The following DELE1 variants were observed in gnomAD, a reference collection of about 807,000 sequenced individuals.
DELE1 encodes DAP3 binding cell death enhancer 1.
In DELE1, 54 loss-of-function variants were observed where a neutral mutation model predicts 59.3. That is an observed-to-expected ratio of 0.91 (90% CI 0.73 to 1.14). The LOEUF is 1.14. Among genes scored for constraint, DELE1 ranks in the 50% most tolerant of loss-of-function variants. The pLI is 0.00. For missense variants in DELE1, 636 were observed against 643.9 expected (o/e 0.99, Z 0.13); for synonymous variants, 264 against 259.1 (o/e 1.02, Z -0.18).
At chr5:141,924,424 G>A (rs1751200735) in intron 1 of DELE1, among the ~76,000 whole-genome samples, 157 bp from the exon 2 acceptor site, 1 of 152,228 alleles carries the variant, frequency 6.6e-6, no homozygotes, top group African/African-American at 2.4e-5. Flanking sequence ...GCTCTACCCT[G>A]AGAAATCTTA....
At chr5:141,928,368 C>T in intron 4 of DELE1, 70 bp downstream of exon 4, 1 of 1,521,982 alleles carries the variant, frequency 6.6e-7, no homozygotes, top group Non-Finnish European at 8.9e-7. Flanking sequence ...CGTCTCTGGA[C>T]ACACCTCAGG....
chr5:141,941,514 A>G lies in DELE1; in HGVS notation c.*2755A>G. 3.0e-6 allele frequency: 3 copies of G among 985,434 alleles called. No homozygotes were observed. Among genetic ancestry groups the G allele is most frequent in the Non-Finnish European group, 3.6e-6 (3 of 829,950 alleles). The allele number at this position is 985,434 out of a possible 1,614,324, so 61.0% of individuals were successfully genotyped here. On this transcript the variant is annotated 3_prime_UTR_variant, in exon 12 of 12. Transcript: ENST00000432126. ...AGCTGGGTACTGCTGTGCTTTTGCC[A>G]TTAAAATTCTGTTATTAATGACTCA...
chr5:141,923,875 C>G lies in DELE1; in HGVS notation c.-67C>G. On this transcript the variant is annotated 5_prime_UTR_variant, in exon 1 of 12. Coordinates refer to ENST00000432126, the MANE Select transcript of DELE1 (RefSeq NM_014773.5). ...CACTCGGGGCATCGCGGCGGCCTTTCTAGCCGCTGTCCCAAGGGTTGGTCT... is the reference window on the plus strand; with the variant it reads ...CACTCGGGGCATCGCGGCGGCCTTTGTAGCCGCTGTCCCAAGGGTTGGTCT... 1.3e-6 allele frequency: 2 copies of G among 1,556,304 alleles called. No individual in the cohort carries two copies. Among genetic ancestry groups the G allele is most frequent in the Non-Finnish European group, 1.7e-6 (2 of 1,148,854 alleles).
intron 2 of DELE1, 61 bp from the exon 3 acceptor site, chr5:141,925,349 C>A: frequency 8.5e-7 from 1 of 1,181,300 alleles, no homozygotes; most frequent in South Asian, 1.5e-5. Context: ...GTGTGAGCCA[C>A]CGCACCCAGT....
At chr5:141,929,412 C>G (rs192445182) in intron 4 of DELE1, among the ~76,000 whole-genome samples, 170 bp from the exon 5 acceptor site, 64 of 152,266 alleles carry the variant, frequency 4.2e-4, no homozygotes, top group Middle Eastern at 6.8e-3. Context: ...CTGCACCCCG[C>G]TAATTTTTTG....
chr5:141,925,543 C>T lies in DELE1; in HGVS notation c.264+16C>T, dbSNP rs1751331849. On this transcript the variant is annotated intron_variant, in intron 3 of 11. Coordinates refer to ENST00000432126, the MANE Select transcript of DELE1 (RefSeq NM_014773.5). Reference sequence around the variant, plus strand: ...CATATCTTGGGTAAGGCTTCCCCAGCCTGGTCCTTGACCTTCAGTGTAGAT... The same window carrying T: ...CATATCTTGGGTAAGGCTTCCCCAGTCTGGTCCTTGACCTTCAGTGTAGAT... The T allele has an allele frequency of 1.3e-6, 2 of 1,524,626 alleles. No homozygotes were observed. Among genetic ancestry groups the T allele is most frequent in the African/African-American group, 2.8e-5 (2 of 71,866 alleles). 94.4% of individuals were successfully genotyped at this position (1,524,626 alleles called of 1,614,324 possible). A position where few individuals can be genotyped will look rare whatever the true frequency, so the allele number is the denominator to read the frequency against.
At position 141,940,508 on chromosome 5, in the gene DELE1, AG is replaced by A. The variant is rs1752675269; in HGVS notation, c.*1755del. ...GCCAATTCAAAGGCAAGAAGATTTG[AG>A]GGGGGAAAGTTGTCCACGTTTCCCT... On this transcript the variant is annotated 3_prime_UTR_variant, in exon 12 of 12. Transcript: ENST00000432126. 21 of 985,394 alleles carry A rather than the reference AG, an allele frequency of 2.1e-5. No homozygotes were observed. The highest frequency in any genetic ancestry group is 5.2e-4 in the Middle Eastern group (1 of 1,916). The allele number at this position is 985,394 out of a possible 1,614,324, so 61.0% of individuals were successfully genotyped here. A position where few individuals can be genotyped will look rare whatever the true frequency, so the allele number is the denominator to read the frequency against.
intron 10 of DELE1, 88 bp downstream of exon 10, chr5:141,934,674 A>G: frequency 7.7e-7 from 1 of 1,294,370 alleles, no homozygotes; most frequent in South Asian, 1.2e-5. Context: ...TTCTGTGCTT[A>G]GGAGATTGTT....
intron 6 of DELE1, 42 bp downstream of exon 6, chr5:141,930,116 C>G: frequency 6.2e-7 from 1 of 1,606,306 alleles, no homozygotes; most frequent in Non-Finnish European, 8.5e-7. Flanking sequence ...ATAACATTCT[C>G]TTGGGCAGGT....
Position 141,938,788 on chromosome 5 carries a change from T to G in DELE1, c.*29T>G, listed in dbSNP as rs1419409381. ...GAGATAAAACATAGTCCCTGGTGCC[T>G]CTTAGGGGCCAGAGCGGGCAGGAGG... On this transcript the variant is annotated 3_prime_UTR_variant, in exon 12 of 12. Coordinates refer to ENST00000432126, the MANE Select transcript of DELE1 (RefSeq NM_014773.5). 1 of 1,584,750 alleles carries G rather than the reference T, an allele frequency of 6.3e-7. No homozygotes were observed. The highest frequency in any genetic ancestry group is 8.6e-7 in the Non-Finnish European group (1 of 1,163,588).
intron 4 of DELE1, 99 bp downstream of exon 4, chr5:141,928,397 T>A: frequency 3.7e-6 from 5 of 1,357,784 alleles, no homozygotes; most frequent in Non-Finnish European, 5.0e-6. Flanking sequence ...CATCAGCAGC[T>A]CCTTGCCTTT....
At position 141,941,754 on chromosome 5, in the gene DELE1, A is replaced by G. The variant is rs893480992; in HGVS notation, c.*2995A>G. On this transcript the variant is annotated 3_prime_UTR_variant, in exon 12 of 12. Transcript: ENST00000432126. ...ACAAGGCTATTTGGTTTACTATATC[A>G]TTAGTGCTAATATAGTGTGGGGCAC... 1 of 985,248 alleles carries G rather than the reference A, an allele frequency of 1.0e-6. No homozygotes were observed. Among genetic ancestry groups the G allele is most frequent in the Non-Finnish European group, 1.2e-6 (1 of 829,902 alleles). The allele number at this position is 985,248 out of a possible 1,614,324, so 61.0% of individuals were successfully genotyped here.
In DELE1 at chr5:141,940,682, G is replaced by A. The variant is rs1752687197; in HGVS notation, c.*1923G>A. On this transcript the variant is annotated 3_prime_UTR_variant, in exon 12 of 12. Coordinates refer to ENST00000432126, the MANE Select transcript of DELE1 (RefSeq NM_014773.5). Reference sequence around the variant, plus strand: ...CCTTTTCAGGGCTGCCCTGCACACTGGCTCACCACTGTTGGACCCTGCACA... The same window carrying A: ...CCTTTTCAGGGCTGCCCTGCACACTAGCTCACCACTGTTGGACCCTGCACA... 8 of 982,018 alleles carry A rather than the reference G, an allele frequency of 8.1e-6. No individual in the cohort carries two copies. Among genetic ancestry groups the A allele is most frequent in the African/African-American group, 1.8e-5 (1 of 57,120 alleles). The allele number at this position is 982,018 out of a possible 1,614,324, so 60.8% of individuals were successfully genotyped here.
At chr5:141,932,714 C>G (rs1561516244) in intron 7 of DELE1, among the ~76,000 whole-genome samples, 2 of 152,178 alleles carry the variant, frequency 1.3e-5, no homozygotes, top group Admixed American at 1.3e-4. Flanking sequence ...AATCTAGATG[C>G]TACTACCAAG....
rs902201410 is a variant in DELE1, at chr5:141,938,936, G to T, written c.*177G>T. On this transcript the variant is annotated 3_prime_UTR_variant, in exon 12 of 12. Coordinates refer to ENST00000432126, the MANE Select transcript of DELE1 (RefSeq NM_014773.5). ...GACTGATCTTTCCCCCCGCTTGGTA[G>T]CCTCACAGATGAGTCTTGGATGCAT... is the stretch of plus-strand genomic sequence containing the variant. The T allele has an allele frequency of 7.0e-7, 1 of 1,426,890 alleles. No individual in the cohort carries two copies. The highest frequency in any genetic ancestry group is 2.9e-5 in the Admixed American group (1 of 34,400). The allele number at this position is 1,426,890 out of a possible 1,614,324, so 88.4% of individuals were successfully genotyped here. A position where few individuals can be genotyped will look rare whatever the true frequency, so the allele number is the denominator to read the frequency against.
Position 141,923,875 on chromosome 5 carries a change from C to T in DELE1, c.-67C>T, listed in dbSNP as rs1751132231. On this transcript the variant is annotated 5_prime_UTR_variant, in exon 1 of 12. Transcript: ENST00000432126. ...CACTCGGGGCATCGCGGCGGCCTTT[C>T]TAGCCGCTGTCCCAAGGGTTGGTCT... 3 of 1,556,304 alleles carry T rather than the reference C, an allele frequency of 1.9e-6. No individual in the cohort carries two copies. Among genetic ancestry groups the T allele is most frequent in the South Asian group, 1.2e-5 (1 of 84,790 alleles).
In DELE1 at chr5:141,933,297, T is replaced by C; in HGVS notation, c.793T>C (p.Phe265Leu). Residue 265 changes from phenylalanine to leucine, a missense_variant, in exon 8 of 12, where the codon TTT becomes CTT. Coordinates refer to ENST00000432126, the MANE Select transcript of DELE1 (RefSeq NM_014773.5). ...GAAGAGTGGCGACCACACGGCAGCC[T>C]TTTCTTACTTCCAGAAAGCTGCAGC... ...NMKSGDHTAA[F>L]SYFQKAAARG... 2 of 1,568,006 alleles carry C rather than the reference T, an allele frequency of 1.3e-6. No individual in the cohort carries two copies. The highest frequency in any genetic ancestry group is 1.4e-5 in the African/African-American group (1 of 73,982).
chr5:141,937,736 A>C (rs1345097280), intron 11 of DELE1, among the ~76,000 whole-genome samples: 1 of 116,076 alleles, frequency 8.6e-6, no homozygotes, highest in Non-Finnish European at 1.7e-5. Flanking sequence ...GCGCCATTGC[A>C]CTCCAGCCTG....
Position 141,936,037 on chromosome 5 carries a change from G to T in DELE1, c.1150-1161G>T, listed in dbSNP as rs180676784. ...AATGTGTAGACAACTCTTCCCAGAAGTTTGACTGTGGAGGGTAGAAGAGAA... is the reference window on the plus strand; with the variant it reads ...AATGTGTAGACAACTCTTCCCAGAATTTTGACTGTGGAGGGTAGAAGAGAA... On this transcript the variant is annotated intron_variant, in intron 10 of 11. Transcript: ENST00000432126. Among the ~76,000 whole-genome samples, 6 of 152,346 alleles carry T rather than the reference G, an allele frequency of 3.9e-5. No individual in the cohort carries two copies. In the East Asian group the frequency reaches 1.2e-3, roughly 29 times the overall value.
Sources: gnomAD v4.1 joint callset for allele counts (sites outside exome capture counted in the v4.1 genomes callset) on GRCh38, gnomAD v4.1.1 for gene constraint, MANE v1.5 for transcripts, NCBI Gene and HGNC (gene_info 2026-07-23, HGNC 2026-07-21) for gene names.